The following TENM2 variants were observed in gnomAD, a reference collection of about 807,000 sequenced individuals.
TENM2 encodes teneurin-2.
TENM2 carries 52 observed loss-of-function variants against 245.2 expected under a neutral mutation model. The observed-to-expected ratio is 0.21, with a 90% CI of 0.17 to 0.27. The LOEUF (loss-of-function observed/expected upper bound fraction) is 0.27. Among genes scored for constraint, TENM2 ranks in the 10% least tolerant of loss-of-function variants. TENM2 has a pLI of 1.00. For missense variants in TENM2, 3,046 were observed against 3,666.8 expected (o/e 0.83, Z 4.37); for synonymous variants, 1,363 against 1,438.9 (o/e 0.95, Z 1.19).
Position 168,218,727 on chromosome 5 carries a change from G to A in TENM2, c.4836G>A (p.Glu1612=). Residue 1612 remains glutamate, a synonymous_variant, in exon 23 of 29, where the codon GAG becomes GAA. Coordinates refer to ENST00000518659, the Ensembl canonical transcript of TENM2. This position sits in a 1 kb window ranked among gnomAD's most constrained non-coding sequence, Gnocchi z 5.2. ...ACACTGTGAGCCTGGTGACAGGGGA[G>A]TACTTGTACAATTTCACATATAGTA... The A allele has an allele frequency of 6.2e-7, 1 of 1,614,040 alleles. No homozygotes were observed. Among genetic ancestry groups the A allele is most frequent in the South Asian group, 1.1e-5 (1 of 91,080 alleles).
At chr5:168,160,097 C>G (rs1261196755) in intron 12 of TENM2, among the ~76,000 whole-genome samples, 1 of 152,198 alleles carries the variant, frequency 6.6e-6, no homozygotes, top group Non-Finnish European at 1.5e-5. Context: ...GTTGGTAGGT[C>G]TGTCATTTAG....
chr5:168,168,681 CAAAAAAAA>C (rs36016365), intron 13 of TENM2, among the ~76,000 whole-genome samples: 1 of 128,080 alleles, frequency 7.8e-6, no homozygotes. Context: ...GACCCTGTCT[CAAAAAAAA>C]AAAAAAAAAA....
intron 3 of TENM2, among the ~76,000 whole-genome samples, chr5:167,885,148 C>A (rs572518424): frequency 6.6e-6 from 1 of 151,988 alleles, no homozygotes; most frequent in Non-Finnish European, 1.5e-5. Context: ...TTCTGGATAC[C>A]AATTGCTTAT....
At chr5:167,148,072 A>G in the TENM2 span, among the ~76,000 whole-genome samples, 52 of 152,348 alleles carry the variant, frequency 3.4e-4, no homozygotes, top group African/African-American at 1.3e-3. Flanking sequence ...AAAATGATGC[A>G]TAACCCAACC....
exon 27 of TENM2, chr5:168,248,236 C>T (rs769381873): frequency 4.3e-6 from 7 of 1,613,906 alleles, no homozygotes; most frequent in Non-Finnish European, 5.9e-6. Flanking sequence ...TTATGATGTG[C>T]TGGCAGGACG....
chr5:167,520,433 C>G (rs1171630428), intron 2 of TENM2, among the ~76,000 whole-genome samples: 2 of 152,094 alleles, frequency 1.3e-5, no homozygotes, highest in Non-Finnish European at 2.9e-5. Context: ...CTTCCTCTTG[C>G]TTGCCAGAAA....
At chr5:168,178,499 C>T (rs776198860) in intron 13 of TENM2, among the ~76,000 whole-genome samples, 13 of 152,130 alleles carry the variant, frequency 8.5e-5, no homozygotes, top group South Asian at 2.1e-4. Flanking sequence ...GTATAAAAAA[C>T]GTGGCTCTAG....
intron 4 of TENM2, chr5:167,965,604 C>T (rs1362635619): frequency 1.3e-5 from 2 of 152,016 alleles, no homozygotes; most frequent in African/African-American, 4.8e-5. Flanking sequence ...AAAAAATTCT[C>T]TCCAGAAATT....
chr5:167,776,560 A>G (rs1477193740), intron 2 of TENM2, among the ~76,000 whole-genome samples: 1 of 123,158 alleles, frequency 8.1e-6, no homozygotes, highest in Non-Finnish European at 1.6e-5. Flanking sequence ...GCACCACTGC[A>G]CTCCAGCTTG....
chr5:167,181,170 TC>T, the TENM2 span, among the ~76,000 whole-genome samples: 7 of 152,068 alleles, frequency 4.6e-5, no homozygotes, highest in African/African-American at 9.7e-5. Flanking sequence ...GTAGAAAATT[TC>T]GGCACAGCAG....
At chr5:167,017,806 A>C in the TENM2 span, among the ~76,000 whole-genome samples, 247 of 152,312 alleles carry the variant, frequency 1.6e-3, no homozygotes, top group African/African-American at 5.5e-3. Flanking sequence ...GCGTGATGCC[A>C]TAGCATTCTT....
intron 2 of TENM2, among the ~76,000 whole-genome samples, chr5:167,780,205 C>T (rs1582991580): frequency 6.6e-6 from 1 of 152,204 alleles, no homozygotes; most frequent in Non-Finnish European, 1.5e-5. Context: ...CCTAGCATGT[C>T]TTACTTCATA....
chr5:167,066,564 A>T, the TENM2 span, among the ~76,000 whole-genome samples: 1 of 123,598 alleles, frequency 8.1e-6, no homozygotes, highest in Non-Finnish European at 1.6e-5. Flanking sequence ...CCGGAGTGTG[A>T]TGTTCCCCTT....
chr5:167,856,934 T>C (rs188856760), intron 2 of TENM2, among the ~76,000 whole-genome samples: 1 of 152,228 alleles, frequency 6.6e-6, no homozygotes, highest in African/African-American at 2.4e-5. Flanking sequence ...TGTTTATCCA[T>C]TTTTGTCAAC....
At chr5:167,396,969 T>A (rs1441269886) in intron 2 of TENM2, among the ~76,000 whole-genome samples, 1 of 152,152 alleles carries the variant, frequency 6.6e-6, no homozygotes, top group African/African-American at 2.4e-5. Context: ...TCATTGTTGA[T>A]CCTGGAGAAA....
the TENM2 span, among the ~76,000 whole-genome samples, chr5:167,011,482 G>A: frequency 6.6e-6 from 1 of 152,224 alleles, no homozygotes; most frequent in South Asian, 2.1e-4. Flanking sequence ...CTTTGAGTTT[G>A]CAAAAGGAGA....
intron 2 of TENM2, among the ~76,000 whole-genome samples, chr5:167,846,341 C>T (rs1770037548): frequency 6.6e-6 from 1 of 152,234 alleles, no homozygotes; most frequent in Admixed American, 6.5e-5. Context: ...GAAAAGTGCT[C>T]AGTCCAGAGT....
chr5:167,445,112 G>A (rs1320173385), intron 2 of TENM2, among the ~76,000 whole-genome samples: 2 of 151,988 alleles, frequency 1.3e-5, no homozygotes, highest in East Asian at 3.9e-4. Flanking sequence ...ACTTGTAGTG[G>A]TAGTAGTATT....
chr5:168,112,826 C>T (rs1447948892), intron 9 of TENM2, among the ~76,000 whole-genome samples: 1 of 152,182 alleles, frequency 6.6e-6, no homozygotes, highest in African/African-American at 2.4e-5. Context: ...TCCTCAATTG[C>T]TTCAGGAGGA....
Sources: gnomAD v4.1 joint callset for allele counts (sites outside exome capture counted in the v4.1 genomes callset) on GRCh38, gnomAD v4.1.1 for gene constraint, Gnocchi (gnomAD v3.1) non-coding constraint, MANE v1.5 for transcripts, NCBI Gene and HGNC (gene_info 2026-07-23, HGNC 2026-07-21) for gene names.